Variants in FAM163B observed in about 807,000 individuals in gnomAD.
The protein encoded by FAM163B is protein FAM163B.
A neutral mutation model predicts 7.6 loss-of-function variants in FAM163B; 4 were observed. The observed-to-expected ratio is 0.52, with a 90% CI of 0.26 to 1.20. The LOEUF is 1.20. FAM163B is among the 50% of genes most tolerant of loss of function. The pLI is 0.14. For missense variants in FAM163B, 250 were observed against 243.0 expected, an observed-to-expected ratio of 1.03 and a Z score of -0.19; for synonymous variants, 120 against 111.6, an observed-to-expected ratio of 1.07 and a Z score of -0.47.
At position 133,609,326 on chromosome 9, in the gene FAM163B, C is replaced by G. The variant is rs1472234057; in HGVS notation, c.-273G>C. ...CGCTGCGGCCGCGACTCCGGACGCC[C>G]CGGCTGGCTCCCTGCGAGCTGCACG... On this transcript the variant is annotated 5_prime_UTR_variant, in exon 1 of 3. Coordinates refer to ENST00000673969, the MANE Select transcript of FAM163B (RefSeq NM_001080515.3). 6.7e-6 allele frequency among the ~76,000 whole-genome samples: 1 copy of G among 149,626 alleles called. No individual in the cohort carries two copies. Among genetic ancestry groups the G allele is most frequent in the Admixed American group, 6.7e-5 (1 of 15,030 alleles).
At chr9:133,608,047 T>C (rs1005547298) in intron 1 of FAM163B, among the ~76,000 whole-genome samples, 1 of 152,194 alleles carries the variant, frequency 6.6e-6, no homozygotes, top group African/African-American at 2.4e-5. Context: ...GGGTTGGTAA[T>C]TACTGCTCTC....
intron 1 of FAM163B, among the ~76,000 whole-genome samples, chr9:133,589,630 A>G (rs62575380): frequency 5.4e-5 from 8 of 149,040 alleles, no homozygotes; most frequent in Non-Finnish European, 1.0e-4. Context: ...CACAGCGCGC[A>G]CACACACAGT....
intron 1 of FAM163B, chr9:133,586,036 C>G (rs1831432143): frequency 6.6e-6 from 1 of 152,314 alleles, no homozygotes; most frequent in Non-Finnish European, 1.5e-5. Flanking sequence ...GAGTTCCTGT[C>G]TAGACCTCCT....
At position 133,582,355 on chromosome 9, in the gene FAM163B, T is replaced by C. The variant is rs1831368642; in HGVS notation, c.-23-2109A>G. On this transcript the variant is annotated intron_variant, in intron 1 of 2. Coordinates refer to ENST00000673969, the MANE Select transcript of FAM163B (RefSeq NM_001080515.3). ...CGTTTCAGTCCACTGCAGTCATGATTCTTTTTGATGTTCAAATGATCCCAC... is the reference window on the plus strand; with the variant it reads ...CGTTTCAGTCCACTGCAGTCATGATCCTTTTTGATGTTCAAATGATCCCAC... Among the ~76,000 whole-genome samples, 5 of 152,216 alleles carry C rather than the reference T, an allele frequency of 3.3e-5. No individual in the cohort carries two copies. The South Asian group carries it at 6.2e-4, about 19-fold the overall frequency.
intron 1 of FAM163B, among the ~76,000 whole-genome samples, chr9:133,595,356 G>A (rs138939900): frequency 3.7e-4 from 57 of 152,346 alleles, no homozygotes; most frequent in Middle Eastern, 3.4e-3. Context: ...ATGTTGGCCA[G>A]GCTGTCCTCC....
chr9:133,595,155 T>C (rs964050464), intron 1 of FAM163B, among the ~76,000 whole-genome samples: 1 of 152,166 alleles, frequency 6.6e-6, no homozygotes, highest in Non-Finnish European at 1.5e-5. Flanking sequence ...TTTTGTTTGT[T>C]ATGTTTTTGA....
intron 1 of FAM163B, among the ~76,000 whole-genome samples, chr9:133,588,223 C>A (rs553923290): frequency 6.6e-6 from 1 of 152,092 alleles, no homozygotes; most frequent in Admixed American, 6.5e-5. Flanking sequence ...AGTCGGGGAT[C>A]GTGGGAGATG....
intron 1 of FAM163B, among the ~76,000 whole-genome samples, chr9:133,605,136 C>CGGGGCTGCGTGGGGT (rs1421843040): frequency 1.7e-4 from 26 of 152,316 alleles, no homozygotes; most frequent in South Asian, 4.1e-4. Flanking sequence ...GAGCACGGGT[C>CGGGGCTGCGTGGGGT]GGGGCTGCGT....
In FAM163B at chr9:133,579,456, C is replaced by T. The variant is rs1041784873; in HGVS notation, c.94-27G>A. On this transcript the variant is annotated intron_variant, in intron 2 of 2. Transcript: ENST00000673969. Reference sequence around the variant, plus strand: ...TGCGGGCAGAGGGACGGTGACCATGCGGCCGCCCGCTCCCACCCCAGAACC... The same window carrying T: ...TGCGGGCAGAGGGACGGTGACCATGTGGCCGCCCGCTCCCACCCCAGAACC... 8.2e-5 allele frequency: 127 copies of T among 1,542,576 alleles called. No individual in the cohort carries two copies. In the African/African-American group the frequency reaches 1.1e-3, roughly 13 times the overall value.
chr9:133,587,790 C>T (rs935601989), intron 1 of FAM163B, among the ~76,000 whole-genome samples: 5 of 152,022 alleles, frequency 3.3e-5, no homozygotes, highest in Non-Finnish European at 7.4e-5. Flanking sequence ...GGCACTCAGA[C>T]CATCACCCCA....
At chr9:133,599,355 T>C (rs1235149708) in intron 1 of FAM163B, among the ~76,000 whole-genome samples, 2 of 152,166 alleles carry the variant, frequency 1.3e-5, no homozygotes, top group African/African-American at 2.4e-5. Context: ...TGGTGCTGCA[T>C]TGTGCCACAA....
chr9:133,579,107 C>T lies in FAM163B; in HGVS notation c.416G>A (p.Gly139Glu). The T allele has an allele frequency of 1.2e-6, 2 of 1,604,726 alleles. No homozygotes were observed. The highest frequency in any genetic ancestry group is 8.5e-7 in the Non-Finnish European group (1 of 1,178,316). Residue 139 changes from glycine (G) to glutamate (E), a missense_variant, in exon 3 of 3, where the codon GGG (glycine) becomes GAG (glutamate). Transcript: ENST00000673969. ...EDVELPPGGF[G>E]GLQALNPNRL... is the part of the protein sequence containing the mutation. ...GTTGGGGTTGAGCGCCTGCAGGCCC[C>T]CGAAGCCCCCCGGGGGCAGCTCCAC...
intron 1 of FAM163B, among the ~76,000 whole-genome samples, chr9:133,594,420 G>A (rs75918336): frequency 0.014 from 2,122 of 152,238 alleles, 47 homozygotes; most frequent in African/African-American, 0.049. Context: ...GCCTTTGCTA[G>A]TGTCATTCCC....
At chr9:133,586,876 C>T (rs1831446743) in intron 1 of FAM163B, among the ~76,000 whole-genome samples, 1 of 150,584 alleles carries the variant, frequency 6.6e-6, no homozygotes, top group Admixed American at 6.6e-5. Context: ...GGACTCTGTG[C>T]ATTCATCTCG....
chr9:133,592,544 G>A (rs748589966), intron 1 of FAM163B, among the ~76,000 whole-genome samples: 5 of 152,196 alleles, frequency 3.3e-5, no homozygotes, highest in East Asian at 3.9e-4. Flanking sequence ...CAAGAAGGGC[G>A]AAGGGGTGGG....
intron 1 of FAM163B, among the ~76,000 whole-genome samples, chr9:133,593,050 C>A (rs3025298): frequency 6.6e-6 from 1 of 152,122 alleles, no homozygotes; most frequent in South Asian, 2.1e-4. Flanking sequence ...GTGTGAGTGC[C>A]GTGTGCGCCT....
Position 133,601,506 on chromosome 9 carries a change from C to G in FAM163B, c.-24+7571G>C, listed in dbSNP as rs1339535694. ...CAGGGGCCTGGCCAGGCGAGACCCACTCTCTCTGGAGTTCCCTTCCGATTA... is the reference window on the plus strand; with the variant it reads ...CAGGGGCCTGGCCAGGCGAGACCCAGTCTCTCTGGAGTTCCCTTCCGATTA... On this transcript the variant is annotated intron_variant, in intron 1 of 2. Transcript: ENST00000673969. The surrounding 1 kb of genome is among the most constrained non-coding windows in gnomAD (Gnocchi z 4.1). Among the ~76,000 whole-genome samples the G allele has an allele frequency of 1.3e-5, 2 of 152,166 alleles. No homozygotes were observed. The highest frequency in any genetic ancestry group is 2.4e-5 in the African/African-American group (1 of 41,438).
chr9:133,595,428 C>A (rs547275607), intron 1 of FAM163B, among the ~76,000 whole-genome samples: 9 of 152,304 alleles, frequency 5.9e-5, no homozygotes, highest in Admixed American at 5.9e-4. Context: ...GGATTACAGG[C>A]GTGAGCCACT....
In FAM163B at chr9:133,601,268, C is replaced by T. The variant is rs1831726049; in HGVS notation, c.-24+7809G>A. Among the ~76,000 whole-genome samples, 1 of 152,228 alleles carries T rather than the reference C, an allele frequency of 6.6e-6. No homozygotes were observed. The highest frequency in any genetic ancestry group is 6.5e-5 in the Admixed American group (1 of 15,278). ...CTCAGTGATTCTATTATAACTTGTGCAGGTAACTCTGCTGCCCTGAGCAGT... is the reference window on the plus strand; with the variant it reads ...CTCAGTGATTCTATTATAACTTGTGTAGGTAACTCTGCTGCCCTGAGCAGT... On this transcript the variant is annotated intron_variant, in intron 1 of 2. Coordinates refer to ENST00000673969, the MANE Select transcript of FAM163B (RefSeq NM_001080515.3). The surrounding 1 kb of genome is among the most constrained non-coding windows in gnomAD (Gnocchi z 4.1).
Sources: allele counts gnomAD v4.1 joint callset (sites outside exome capture counted in the v4.1 genomes callset), GRCh38; gene constraint gnomAD v4.1.1; non-coding constraint Gnocchi (gnomAD v3.1); transcripts MANE v1.5; gene names NCBI Gene and HGNC (gene_info 2026-07-23, HGNC 2026-07-21).